TMEM178B: variants seen among roughly 807,000 people sequenced by gnomAD.
TMEM178B encodes transmembrane protein 178B.
A neutral mutation model predicts 31.0 loss-of-function variants in TMEM178B; 5 were observed. The ratio of observed to expected loss-of-function variants is 0.16; its 90% confidence interval spans 0.08 to 0.34. The LOEUF (loss-of-function observed/expected upper bound fraction) is 0.34. TMEM178B is among the 10% of genes least tolerant of loss of function. The probability of loss-of-function intolerance (pLI) is 1.00; values close to 1 mark genes in which losing one functional copy is unlikely to be tolerated. For missense variants in TMEM178B, 275 were observed against 400.3 expected (o/e 0.69, Z 2.67); for synonymous variants, 164 against 164.0 (o/e 1.00, Z 0.00).
intron 2 of TMEM178B, among the ~76,000 whole-genome samples, chr7:141,298,720 G>A (rs1276335585): frequency 6.6e-6 from 1 of 152,174 alleles, no homozygotes; most frequent in Admixed American, 6.5e-5. Context: ...CCTCTTAGAG[G>A]GAAGGAATCT....
chr7:141,170,040 T>C (rs1796323276), intron 1 of TMEM178B, among the ~76,000 whole-genome samples: 1 of 152,234 alleles, frequency 6.6e-6, no homozygotes, highest in African/African-American at 2.4e-5. Flanking sequence ...TTCTTTGGCT[T>C]TCCATTACTA....
At chr7:141,459,257 G>A (rs573804828) in intron 3 of TMEM178B, among the ~76,000 whole-genome samples, 172 of 152,242 alleles carry the variant, frequency 1.1e-3, no homozygotes, top group Non-Finnish European at 1.9e-3. Context: ...TCGAACTCCC[G>A]ACTTCAGGTG....
At chr7:141,152,063 C>G (rs552305776) in intron 1 of TMEM178B, among the ~76,000 whole-genome samples, 1 of 152,172 alleles carries the variant, frequency 6.6e-6, no homozygotes. Flanking sequence ...GTGAGTTGCC[C>G]TATGCTGAGA....
At chr7:141,128,424 GC>G (rs1175370820) in intron 1 of TMEM178B, among the ~76,000 whole-genome samples, 2 of 152,050 alleles carry the variant, frequency 1.3e-5, no homozygotes, top group African/African-American at 4.8e-5. Context: ...AGGCAAAACA[GC>G]CCCTGGGCAC....
intron 2 of TMEM178B, among the ~76,000 whole-genome samples, chr7:141,244,557 C>CGGCA (rs1797694717): frequency 6.6e-6 from 1 of 152,108 alleles, no homozygotes; most frequent in Admixed American, 6.5e-5. Flanking sequence ...TAAGCCTAGG[C>CGGCA]GGCAGAACCT....
At chr7:141,084,316 C>T (rs546685529) in intron 1 of TMEM178B, among the ~76,000 whole-genome samples, 1 of 152,256 alleles carries the variant, frequency 6.6e-6, no homozygotes, top group South Asian at 2.1e-4. Context: ...ATCCCTTGGG[C>T]CATTTAAAAA....
chr7:141,394,324 T>A (rs578043382), intron 2 of TMEM178B, among the ~76,000 whole-genome samples: 1 of 152,342 alleles, frequency 6.6e-6, no homozygotes, highest in Non-Finnish European at 1.5e-5. Context: ...CTAAAAGGGT[T>A]TGATTCAGAT....
At chr7:141,269,327 G>A (rs367970544) in intron 2 of TMEM178B, among the ~76,000 whole-genome samples, 2 of 152,076 alleles carry the variant, frequency 1.3e-5, no homozygotes, top group South Asian at 2.1e-4. Context: ...CTGACCTCAG[G>A]TGATCTGCCT....
intron 1 of TMEM178B, among the ~76,000 whole-genome samples, chr7:141,128,118 T>C (rs10270143): frequency 0.013 from 2,018 of 152,306 alleles, 47 homozygotes; most frequent in African/African-American, 0.046. Context: ...TGAGACATAC[T>C]TGGACACCCT....
chr7:141,502,769 T>TA, the TMEM178B span, among the ~76,000 whole-genome samples: 2,690 of 146,308 alleles, frequency 0.018, 93 homozygotes, highest in African/African-American at 0.063. Context: ...AAACTCAGTC[T>TA]AAAAAAAAAA....
chr7:141,174,575 C>A (rs940164203), intron 1 of TMEM178B, among the ~76,000 whole-genome samples: 1 of 152,204 alleles, frequency 6.6e-6, no homozygotes, highest in African/African-American at 2.4e-5. Context: ...TACACTCCCA[C>A]CAACAGAGTA....
At chr7:141,274,891 A>G (rs963375592) in intron 2 of TMEM178B, among the ~76,000 whole-genome samples, 5 of 152,120 alleles carry the variant, frequency 3.3e-5, no homozygotes, top group Non-Finnish European at 7.4e-5. Context: ...CTGGGATGAA[A>G]CCCAGACTCC....
chr7:141,328,989 T>C (rs774617532), intron 2 of TMEM178B, among the ~76,000 whole-genome samples: 12 of 152,178 alleles, frequency 7.9e-5, no homozygotes, highest in Non-Finnish European at 1.5e-4. Context: ...TCCTTCCTGA[T>C]TGGCCTTCTT....
At chr7:141,510,779 TG>T in the TMEM178B span, among the ~76,000 whole-genome samples, 2 of 148,916 alleles carry the variant, frequency 1.3e-5, no homozygotes, top group African/African-American at 4.9e-5. Flanking sequence ...CCAAAACCCT[TG>T]GTTTCCAAAG....
intron 2 of TMEM178B, among the ~76,000 whole-genome samples, chr7:141,260,411 A>AT (rs56381439): frequency 6.6e-5 from 10 of 151,622 alleles, no homozygotes; most frequent in Non-Finnish European, 7.4e-5. Context: ...AACTTTTTAT[A>AT]TTTTTTTTTG....
At chr7:141,250,963 G>A (rs1220153070) in intron 2 of TMEM178B, among the ~76,000 whole-genome samples, 1 of 152,106 alleles carries the variant, frequency 6.6e-6, no homozygotes, top group African/African-American at 2.4e-5. Context: ...CAAGCTGTGG[G>A]AAAGGAAAAC....
chr7:141,201,257 C>T (rs1367065551), intron 1 of TMEM178B, among the ~76,000 whole-genome samples: 3 of 152,126 alleles, frequency 2.0e-5, no homozygotes, highest in African/African-American at 4.8e-5. Flanking sequence ...ACCTGGGAGC[C>T]GGTGGCCCTA....
At chr7:141,419,936 C>G (rs1801173243) in intron 2 of TMEM178B, among the ~76,000 whole-genome samples, 1 of 152,274 alleles carries the variant, frequency 6.6e-6, no homozygotes, top group East Asian at 1.9e-4. Context: ...AACATTTACT[C>G]TTTCTCCTAT....
intron 2 of TMEM178B, among the ~76,000 whole-genome samples, chr7:141,380,635 A>G (rs867101931): frequency 6.6e-6 from 1 of 152,146 alleles, no homozygotes; most frequent in Non-Finnish European, 1.5e-5. Flanking sequence ...CCAACTGCTT[A>G]TTGTTGTTGT....
Sources: gnomAD v4.1 joint callset for allele counts (sites outside exome capture counted in the v4.1 genomes callset) on GRCh38, gnomAD v4.1.1 for gene constraint, MANE v1.5 for transcripts, NCBI Gene and HGNC (gene_info 2026-07-23, HGNC 2026-07-21) for gene names.